Variants in FUT8 observed in about 807,000 individuals in gnomAD.
FUT8 encodes the protein fucosyltransferase 8.
In FUT8, 29 loss-of-function variants were observed where a neutral mutation model predicts 71.3. The observed-to-expected ratio is 0.41, with a 90% CI of 0.30 to 0.55. The LOEUF (loss-of-function observed/expected upper bound fraction) is 0.55. Among genes scored for constraint, FUT8 ranks in the 20% least tolerant of loss-of-function variants. FUT8 has a pLI of 0.34. For synonymous variants in FUT8, 254 were observed against 239.3 expected (o/e 1.06, Z -0.57); for missense variants, 544 against 702.1 (o/e 0.77, Z 2.55).
chr14:65,716,182 T>C (rs1413688972), intron 7 of FUT8, among the ~76,000 whole-genome samples: 1 of 152,170 alleles, frequency 6.6e-6, no homozygotes, highest in East Asian at 1.9e-4. Flanking sequence ...TGTTCCTTTG[T>C]TGATTTTCTG....
chr14:65,377,213 C>T, the FUT8 span, among the ~76,000 whole-genome samples: 1 of 152,086 alleles, frequency 6.6e-6, no homozygotes, highest in Non-Finnish European at 1.5e-5. Flanking sequence ...GCTTCTAGGT[C>T]CAAACTCCCT....
intron 7 of FUT8, among the ~76,000 whole-genome samples, chr14:65,699,477 C>G (rs946088397): frequency 6.6e-6 from 1 of 152,138 alleles, no homozygotes; most frequent in African/African-American, 2.4e-5. Flanking sequence ...AGAATCATTA[C>G]AAGATAGGGA....
chr14:65,561,502 G>T lies in FUT8; in HGVS notation c.-62G>T. The stretch of plus-strand genomic sequence containing the variant: ...CACCTGTGCACTAACTAGAAACAGA[G>T]TTACAATGTTTTCAATTCTTTGAGC... On this transcript the variant is annotated 5_prime_UTR_variant, in exon 3 of 11. Transcript: ENST00000673929. 6 of 1,506,784 alleles carry T rather than the reference G, an allele frequency of 4.0e-6. No individual in the cohort carries two copies. The highest frequency in any genetic ancestry group is 5.5e-6 in the Non-Finnish European group (6 of 1,087,488). 93.3% of individuals were successfully genotyped at this position (1,506,784 alleles called of 1,614,324 possible).
intron 2 of FUT8, among the ~76,000 whole-genome samples, chr14:65,559,933 GT>G: frequency 6.6e-6 from 1 of 152,228 alleles, no homozygotes; most frequent in African/African-American, 2.4e-5. Context: ...TTTTAATTTG[GT>G]TTTCAAACAG....
Position 65,433,480 on chromosome 14 carries a change from A to G in FUT8, c.-326+20266A>G, listed in dbSNP as rs566279633. On this transcript the variant is annotated intron_variant, in intron 1 of 10. Transcript: ENST00000673929. The stretch of plus-strand genomic sequence containing the variant: ...CTTACTGCAGTTGTGTGCTTTTCGT[A>G]TTTGCATATGCTATTGCCTTTCTTC... Among the ~76,000 whole-genome samples, 95 of 152,278 alleles carry G rather than the reference A, an allele frequency of 6.2e-4. 4 individuals carry two copies. In the South Asian group the frequency reaches 0.019, roughly 31 times the overall value.
intron 6 of FUT8, among the ~76,000 whole-genome samples, chr14:65,651,004 C>A (rs894539447): frequency 2.0e-5 from 3 of 152,148 alleles, no homozygotes; most frequent in Admixed American, 2.0e-4. Flanking sequence ...AACACTGTTC[C>A]TACCACTCCC....
chr14:65,357,111 T>C, the FUT8 span, among the ~76,000 whole-genome samples: 1 of 152,232 alleles, frequency 6.6e-6, no homozygotes, highest in Non-Finnish European at 1.5e-5. Flanking sequence ...GGCATTTACT[T>C]ATGTTCTGTG....
At chr14:65,375,357 C>T in the FUT8 span, among the ~76,000 whole-genome samples, 15 of 152,176 alleles carry the variant, frequency 9.9e-5, 1 homozygote, top group Middle Eastern at 3.4e-3. Context: ...GGGTGGCTCA[C>T]ACCTGTGATC....
chr14:65,715,694 C>T lies in FUT8; in HGVS notation c.836-6081C>T, dbSNP rs150171893. Among the ~76,000 whole-genome samples the T allele has an allele frequency of 5.1e-3, 779 of 151,870 alleles. 7 individuals carry two copies. Among genetic ancestry groups the T allele is most frequent in the African/African-American group, 0.018 (744 of 41,452 alleles). The stretch of plus-strand genomic sequence containing the variant: ...TGTTTCAAGAAATTTTTTTAATTTC[C>T]TTCTTAATTTCTTCATTGATCCATT... On this transcript the variant is annotated intron_variant, in intron 7 of 10. Coordinates refer to ENST00000673929, the MANE Select transcript of FUT8 (RefSeq NM_001371533.1).
chr14:65,398,938 C>G, the FUT8 span, among the ~76,000 whole-genome samples: 31 of 152,228 alleles, frequency 2.0e-4, no homozygotes, highest in South Asian at 6.2e-3. Context: ...ATTTCCCCAC[C>G]ACAAAATCAA....
chr14:65,597,440 A>G (rs554898214), intron 3 of FUT8, among the ~76,000 whole-genome samples: 2 of 151,474 alleles, frequency 1.3e-5, no homozygotes, highest in Non-Finnish European at 2.9e-5. Flanking sequence ...CATCCTGGCT[A>G]GTGAAACCCC....
At chr14:65,522,803 A>G (rs961023189) in intron 2 of FUT8, among the ~76,000 whole-genome samples, 4 of 148,430 alleles carry the variant, frequency 2.7e-5, no homozygotes, top group Admixed American at 1.4e-4. Flanking sequence ...GTTTCCACCA[A>G]TGAGTGAGAA....
At chr14:65,417,106 T>A (rs1321317054) in intron 1 of FUT8, among the ~76,000 whole-genome samples, 2 of 151,842 alleles carry the variant, frequency 1.3e-5, no homozygotes, top group Non-Finnish European at 2.9e-5. Context: ...ATTAAAAAGA[T>A]TTTTGTTTGT....
chr14:65,594,001 C>T (rs1887829645), intron 3 of FUT8, among the ~76,000 whole-genome samples: 1 of 152,240 alleles, frequency 6.6e-6, no homozygotes, highest in African/African-American at 2.4e-5. Context: ...TGAGCCACTG[C>T]TCCCGGCCTA....
At chr14:65,442,216 G>GAAC (rs2065670073) in intron 1 of FUT8, among the ~76,000 whole-genome samples, 2 of 148,116 alleles carry the variant, frequency 1.4e-5, no homozygotes, top group Non-Finnish European at 3.0e-5. Context: ...TTGCTCTGTT[G>GAAC]CCAGGCTGGA....
chr14:65,502,212 G>A (rs1410272703), intron 2 of FUT8, among the ~76,000 whole-genome samples: 1 of 151,344 alleles, frequency 6.6e-6, no homozygotes, highest in East Asian at 1.9e-4. Context: ...TGCCTGGCTG[G>A]GTCCACTTAT....
intron 2 of FUT8, among the ~76,000 whole-genome samples, chr14:65,535,227 G>C (rs1884227092): frequency 2.0e-5 from 3 of 151,906 alleles, no homozygotes; most frequent in Admixed American, 6.6e-5. Context: ...AGCGTCATGA[G>C]TAGCTAGGAT....
Position 65,412,836 on chromosome 14 carries a change from T to TTCCCTCCTCTCCAGGC in FUT8, c.-703_-688dup, listed in dbSNP as rs1449393141. ...ATCTCCGGCCGACCCGAGCAGCCGG[T>TTCCCTCCTCTCCAGGC]TCCCTCCTCTCCAGGCCCCCTCCCC... On this transcript the variant is annotated 5_prime_UTR_variant, in exon 1 of 11. Coordinates refer to ENST00000673929, the MANE Select transcript of FUT8 (RefSeq NM_001371533.1). 6.0e-6 allele frequency: 1 copy of TTCCCTCCTCTCCAGGC among 167,368 alleles called. No homozygotes were observed. The highest frequency in any genetic ancestry group is 1.3e-5 in the Non-Finnish European group (1 of 78,444). The allele number at this position is 167,368 out of a possible 1,614,324, so 10.4% of individuals were successfully genotyped here. A position where few individuals can be genotyped will look rare whatever the true frequency, so the allele number is the denominator to read the frequency against.
intron 7 of FUT8, among the ~76,000 whole-genome samples, chr14:65,697,922 C>G (rs994481923): frequency 3.3e-5 from 5 of 151,722 alleles, no homozygotes; most frequent in Admixed American, 1.3e-4. Context: ...TTGCAGTGAG[C>G]TGAGATCACG....
Sources: allele counts gnomAD v4.1 joint callset (sites outside exome capture counted in the v4.1 genomes callset), GRCh38; gene constraint gnomAD v4.1.1; transcripts MANE v1.5; gene names NCBI Gene and HGNC (gene_info 2026-07-23, HGNC 2026-07-21).